Variants in CTNNA2 observed in about 807,000 individuals in gnomAD.
CTNNA2 encodes catenin alpha-2.
CTNNA2 carries 42 observed loss-of-function variants against 101.0 expected under a neutral mutation model. The observed-to-expected ratio is 0.42, with a 90% CI of 0.32 to 0.54. The LOEUF is 0.54. Ranked by LOEUF, CTNNA2 falls within the 20% of genes least tolerant of loss-of-function variation. The pLI, the probability that CTNNA2 is intolerant of heterozygous loss-of-function variation, is 0.14. For missense variants in CTNNA2, 871 were observed against 1,223.1 expected (o/e 0.71, Z 4.29); for synonymous variants, 450 against 456.4 (o/e 0.99, Z 0.18).
chr2:79,391,987 G>A (rs979603517), intron 4 of CTNNA2, among the ~76,000 whole-genome samples: 3 of 152,086 alleles, frequency 2.0e-5, no homozygotes, highest in African/African-American at 7.2e-5. Flanking sequence ...CTCTGTGTGT[G>A]TCCAGATTTC....
chr2:79,318,444 T>C (rs1391447784), intron 3 of CTNNA2, among the ~76,000 whole-genome samples: 2 of 152,210 alleles, frequency 1.3e-5, no homozygotes, highest in Non-Finnish European at 2.9e-5. Context: ...GTTTAAAGCT[T>C]ACCAGGTTCC....
At chr2:79,640,343 A>T (rs2104414292) in intron 1 of CTNNA2, among the ~76,000 whole-genome samples, 1 of 152,286 alleles carries the variant, frequency 6.6e-6, no homozygotes, top group African/African-American at 2.4e-5. Flanking sequence ...TAACCTGCAC[A>T]GCTTGAACTA....
At chr2:80,607,519 AG>A (rs1698131365) in intron 16 of CTNNA2, among the ~76,000 whole-genome samples, 1 of 151,910 alleles carries the variant, frequency 6.6e-6, no homozygotes, top group Admixed American at 6.6e-5. Flanking sequence ...CGTCCATCAA[AG>A]GACTCTGTTG....
intron 2 of CTNNA2, among the ~76,000 whole-genome samples, chr2:79,266,639 G>A (rs559909773): frequency 1.3e-5 from 2 of 152,114 alleles, no homozygotes; most frequent in Non-Finnish European, 2.9e-5. Context: ...GATCTCGGTG[G>A]TGGTGGTAAG....
At chr2:79,770,998 G>A (rs1673530667) in intron 3 of CTNNA2, among the ~76,000 whole-genome samples, 1 of 152,228 alleles carries the variant, frequency 6.6e-6, no homozygotes, top group Non-Finnish European at 1.5e-5. Context: ...TGCAGATCAA[G>A]CTGGTTGGCC....
intron 7 of CTNNA2, among the ~76,000 whole-genome samples, chr2:79,930,184 AG>A (rs1271289496): frequency 6.6e-6 from 1 of 151,710 alleles, no homozygotes; most frequent in Admixed American, 6.6e-5. Context: ...TGGAGGTTGC[AG>A]TGAGCCAAGA....
chr2:79,545,590 A>G (rs1673681236), intron 1 of CTNNA2, among the ~76,000 whole-genome samples: 1 of 152,192 alleles, frequency 6.6e-6, no homozygotes, highest in Admixed American at 6.5e-5. Flanking sequence ...AATGATGAAA[A>G]CACATTTGTG....
chr2:80,565,168 T>G (rs1327185522), intron 12 of CTNNA2, among the ~76,000 whole-genome samples: 4 of 152,192 alleles, frequency 2.6e-5, no homozygotes, highest in African/African-American at 9.7e-5. Context: ...TGAATTGTTT[T>G]GTTTTTATTT....
chr2:79,370,429 C>A (rs1365729890), intron 3 of CTNNA2, among the ~76,000 whole-genome samples: 1 of 152,146 alleles, frequency 6.6e-6, no homozygotes, highest in East Asian at 1.9e-4. Flanking sequence ...TTGCAGGTTG[C>A]CCTCCTTCAT....
intron 3 of CTNNA2, among the ~76,000 whole-genome samples, chr2:79,812,516 A>G (rs894005161): frequency 6.6e-6 from 1 of 152,186 alleles, no homozygotes; most frequent in Non-Finnish European, 1.5e-5. Flanking sequence ...AAGGAAATGT[A>G]AAAAATGGTC....
upstream of CTNNA2, among the ~76,000 whole-genome samples, chr2:79,509,176 C>T (rs1671482971): frequency 6.6e-6 from 1 of 151,674 alleles, no homozygotes; most frequent in African/African-American, 2.4e-5. Flanking sequence ...TTGGTTGTTT[C>T]TCAGACAAGA....
intron 11 of CTNNA2, among the ~76,000 whole-genome samples, chr2:80,553,929 AT>A (rs1382986644): frequency 1.3e-5 from 2 of 152,154 alleles, no homozygotes; most frequent in East Asian, 3.9e-4. Flanking sequence ...AAATGTCATG[AT>A]TTGGGAAGTA....
chr2:79,668,109 G>A (rs1033250319), intron 2 of CTNNA2, among the ~76,000 whole-genome samples: 2 of 150,554 alleles, frequency 1.3e-5, no homozygotes, highest in African/African-American at 4.9e-5. Context: ...GCGCGGTGGC[G>A]GGCGCCTGTA....
At chr2:80,183,853 G>C (rs150833474) in intron 7 of CTNNA2, among the ~76,000 whole-genome samples, 2 of 150,090 alleles carry the variant, frequency 1.3e-5, no homozygotes, top group Non-Finnish European at 2.9e-5. Context: ...TTAACCTCGC[G>C]ATTAAACGTA....
chr2:80,095,538 C>A (rs1700090721), intron 7 of CTNNA2, among the ~76,000 whole-genome samples: 1 of 152,146 alleles, frequency 6.6e-6, no homozygotes, highest in Non-Finnish European at 1.5e-5. Flanking sequence ...AGGGAGGATT[C>A]CCTCTTTTTC....
At chr2:79,968,801 A>G (rs1226657184) in intron 7 of CTNNA2, among the ~76,000 whole-genome samples, 1 of 151,128 alleles carries the variant, frequency 6.6e-6, no homozygotes, top group Admixed American at 6.6e-5. Context: ...AGAGAGTTGA[A>G]GTTCAAGTGT....
At chr2:79,785,016 C>A (rs1366912479) in intron 3 of CTNNA2, among the ~76,000 whole-genome samples, 1 of 152,020 alleles carries the variant, frequency 6.6e-6, no homozygotes, top group African/African-American at 2.4e-5. Context: ...GTATATGATA[C>A]CTATGTTAAA....
intron 14 of CTNNA2, chr2:80,586,363 G>T (rs1386257632): frequency 3.9e-5 from 6 of 152,130 alleles, no homozygotes; most frequent in Admixed American, 6.6e-5. Context: ...TTCATCTGGG[G>T]ATTGAACATT....
At position 79,645,458 on chromosome 2, in the gene CTNNA2, C is replaced by A. The variant is rs187063303; in HGVS notation, c.-5-6094C>A. Among the ~76,000 whole-genome samples the A allele has an allele frequency of 2.0e-5, 3 of 152,146 alleles. No homozygotes were observed. In the East Asian group the frequency reaches 5.8e-4, roughly 29 times the overall value. The stretch of plus-strand genomic sequence containing the variant: ...AGTACTAATAATACCTGCCAACTAC[C>A]CTAAATAGGGGAGAAATTTAAAGAA... On this transcript the variant is annotated intron_variant, in intron 1 of 18. Coordinates refer to ENST00000402739, the MANE Select transcript of CTNNA2 (RefSeq NM_001282597.3).
Sources: allele counts gnomAD v4.1 joint callset (sites outside exome capture counted in the v4.1 genomes callset), GRCh38; gene constraint gnomAD v4.1.1; transcripts MANE v1.5; gene names NCBI Gene and HGNC (gene_info 2026-07-23, HGNC 2026-07-21).